Variants in PTPRG observed in about 807,000 individuals in gnomAD.
PTPRG encodes the protein protein tyrosine phosphatase receptor type G, also known as receptor-type tyrosine-protein phosphatase gamma.
Under a neutral mutation model 165.3 loss-of-function variants are expected in PTPRG, and 102 were observed. That is an observed-to-expected ratio of 0.62 (90% CI 0.53 to 0.73). The LOEUF is 0.73. Among genes scored for constraint, PTPRG ranks in the 30% least tolerant of loss-of-function variants. PTPRG has a pLI of 0.00. For synonymous variants in PTPRG, 675 were observed against 669.5 expected (o/e 1.01, Z -0.13); for missense variants, 1,866 against 1,861.4 (o/e 1.00, Z -0.05).
intron 2 of PTPRG, among the ~76,000 whole-genome samples, chr3:61,896,946 G>GT (rs34782719): frequency 0.27 from 40,561 of 147,808 alleles, 6,823 homozygotes; most frequent in East Asian, 0.52. Flanking sequence ...ATTTTGAGAG[G>GT]TTTTTTTTTT....
At position 61,665,550 on chromosome 3, in the gene PTPRG, TA is replaced by T. The variant is rs1162403663; in HGVS notation, c.86-83324del. Among the ~76,000 whole-genome samples the T allele has an allele frequency of 2.6e-5, 4 of 151,616 alleles. No homozygotes were observed. In the East Asian group the frequency reaches 5.8e-4, roughly 22 times the overall value. ...TTTGTTTTTCTAGGCTGGGTTCTGG[TA>T]AAAGGGTTCATGCTTGTAATTCCTG... On this transcript the variant is annotated intron_variant, in intron 1 of 29. Coordinates refer to ENST00000474889, the MANE Select transcript of PTPRG (RefSeq NM_002841.4).
At chr3:61,614,304 C>T (rs1458523440) in intron 1 of PTPRG, among the ~76,000 whole-genome samples, 1 of 152,096 alleles carries the variant, frequency 6.6e-6, no homozygotes, top group African/African-American at 2.4e-5. Context: ...AGATTCCAAT[C>T]CTGGCTGTGC....
At position 61,907,257 on chromosome 3, in the gene PTPRG, A is replaced by C. The variant is rs189375300; in HGVS notation, c.191-82368A>C. ...TCTTGCTAAGAAAAGCTCGAGGGTG[A>C]CTCTCAAATCTCAGGCTAATTCTAA... On this transcript the variant is annotated intron_variant, in intron 2 of 29. Coordinates refer to ENST00000474889, the MANE Select transcript of PTPRG (RefSeq NM_002841.4). Among the ~76,000 whole-genome samples the C allele has an allele frequency of 1.5e-3, 222 of 152,124 alleles. 2 individuals are homozygous for C. The highest frequency in any genetic ancestry group is 4.9e-3 in the African/African-American group (205 of 41,474).
At chr3:61,618,874 G>A (rs1392962083) in intron 1 of PTPRG, among the ~76,000 whole-genome samples, 1 of 151,454 alleles carries the variant, frequency 6.6e-6, no homozygotes, top group African/African-American at 2.4e-5. Flanking sequence ...GGGCTTGGTG[G>A]CTCGCGCCTG....
At chr3:61,998,689 C>G (rs1456119052) in intron 3 of PTPRG, among the ~76,000 whole-genome samples, 1 of 152,216 alleles carries the variant, frequency 6.6e-6, no homozygotes, top group African/African-American at 2.4e-5. Context: ...CTGTTGGCCT[C>G]TAGGTTAAGA....
chr3:62,035,355 G>A (rs1436875962), intron 4 of PTPRG, among the ~76,000 whole-genome samples: 2 of 152,118 alleles, frequency 1.3e-5, no homozygotes, highest in African/African-American at 4.8e-5. Flanking sequence ...TTCTTGCCCT[G>A]AAAAATGAAT....
intron 2 of PTPRG, among the ~76,000 whole-genome samples, chr3:61,895,141 G>A (rs1324330887): frequency 6.6e-6 from 1 of 152,164 alleles, no homozygotes; most frequent in Non-Finnish European, 1.5e-5. Flanking sequence ...AAACAGGTAA[G>A]TGTTCTAACA....
intron 5 of PTPRG, among the ~76,000 whole-genome samples, chr3:62,087,301 G>A (rs544776650): frequency 6.6e-6 from 1 of 152,134 alleles, no homozygotes; most frequent in African/African-American, 2.4e-5. Context: ...TCCTAGATTT[G>A]GTCTTCCTGG....
At chr3:61,707,174 G>A (rs2031306669) in intron 1 of PTPRG, among the ~76,000 whole-genome samples, 1 of 152,180 alleles carries the variant, frequency 6.6e-6, no homozygotes, top group Admixed American at 6.5e-5. Context: ...TACAAATAAT[G>A]CTGAAGTGAA....
At chr3:62,053,266 GT>G (rs36000751) in intron 4 of PTPRG, among the ~76,000 whole-genome samples, 11,790 of 130,778 alleles carry the variant, frequency 0.09, 340 homozygotes, top group South Asian at 0.098. Context: ...ACTGCCTTGG[GT>G]TTTTTTTTTT....
intron 1 of PTPRG, among the ~76,000 whole-genome samples, chr3:61,692,971 A>G (rs1204650944): frequency 6.6e-6 from 1 of 152,204 alleles, no homozygotes; most frequent in Non-Finnish European, 1.5e-5. Flanking sequence ...TTTCTTCTTC[A>G]GGGTCTTCCC....
intron 3 of PTPRG, among the ~76,000 whole-genome samples, chr3:61,991,630 A>C (rs2040892843): frequency 6.6e-6 from 1 of 152,222 alleles, no homozygotes; most frequent in Non-Finnish European, 1.5e-5. Flanking sequence ...TCTTAGGATA[A>C]CCGCAATGAG....
At chr3:61,916,326 T>G (rs2038934911) in intron 2 of PTPRG, among the ~76,000 whole-genome samples, 1 of 152,194 alleles carries the variant, frequency 6.6e-6, no homozygotes, top group Admixed American at 6.5e-5. Context: ...CATAGGGTGG[T>G]GTTGAAAATT....
chr3:62,136,735 C>T (rs1251225186), intron 6 of PTPRG, among the ~76,000 whole-genome samples: 1 of 152,202 alleles, frequency 6.6e-6, no homozygotes, highest in Non-Finnish European at 1.5e-5. Context: ...TTTCCCTGCA[C>T]AAGCTGTCTT....
chr3:62,065,151 T>C (rs1700969555), intron 4 of PTPRG, among the ~76,000 whole-genome samples: 1 of 151,560 alleles, frequency 6.6e-6, no homozygotes, highest in African/African-American at 2.4e-5. Context: ...GCACTGTTGA[T>C]TAGAGTAAAA....
chr3:61,859,784 A>C (rs1015087014), intron 2 of PTPRG, among the ~76,000 whole-genome samples: 3 of 152,154 alleles, frequency 2.0e-5, no homozygotes, highest in African/African-American at 2.4e-5. Flanking sequence ...AATTTTAATT[A>C]ATAAAATACT....
rs114324433 is a variant in PTPRG, at chr3:61,574,819, T to C, written c.85+12447T>C. ...GAGAAGGTGGAAGGGGAAGTGGACA[T>C]GTGCAAAGAGAGGCAAAACCCAAGT... On this transcript the variant is annotated intron_variant, in intron 1 of 29. Transcript: ENST00000474889. Among the ~76,000 whole-genome samples the C allele has an allele frequency of 5.6e-3, 855 of 152,262 alleles. 5 individuals carry two copies. The highest frequency in any genetic ancestry group is 0.02 in the African/African-American group (818 of 41,546).
intron 11 of PTPRG, 95 bp downstream of exon 11, chr3:62,201,649 A>T: frequency 1.7e-6 from 2 of 1,210,302 alleles, no homozygotes; most frequent in Non-Finnish European, 2.4e-6. Flanking sequence ...AATGTTGTTA[A>T]ACTGCTCAGT....
intron 1 of PTPRG, among the ~76,000 whole-genome samples, chr3:61,628,157 C>G (rs994488324): frequency 2.0e-5 from 3 of 152,154 alleles, no homozygotes; most frequent in Non-Finnish European, 4.4e-5. Context: ...GTGGATTTAG[C>G]TGTGTGCTAG....
Sources: allele counts gnomAD v4.1 joint callset (sites outside exome capture counted in the v4.1 genomes callset), GRCh38; gene constraint gnomAD v4.1.1; transcripts MANE v1.5; gene names NCBI Gene and HGNC (gene_info 2026-07-23, HGNC 2026-07-21).